The following POF1B variants were observed in gnomAD, a reference collection of about 807,000 sequenced individuals.
The protein encoded by POF1B is POF1B actin binding protein.
In POF1B, 53 loss-of-function variants were observed where a neutral mutation model predicts 55.3. That is an observed-to-expected ratio of 0.96 (90% CI 0.77 to 1.20). POF1B has a LOEUF of 1.20. Ranked by LOEUF, POF1B falls within the 50% of genes most tolerant of loss-of-function variation. The pLI, the probability that POF1B is intolerant of heterozygous loss-of-function variation, is 0.00. For synonymous variants in POF1B, 188 were observed against 148.3 expected, an observed-to-expected ratio of 1.27 and a Z score of -1.95; for missense variants, 478 against 420.5, an observed-to-expected ratio of 1.14 and a Z score of -1.20.
At chrX:85,313,159 C>T (rs989988386) in intron 9 of POF1B, among the ~76,000 whole-genome samples, 111 of 111,414 alleles carry the variant, frequency 1.0e-3, no homozygotes, top group Non-Finnish European at 1.5e-3. Context: ...TATTTGAATC[C>T]CCTTTATTTC....
At chrX:85,284,623 A>G (rs1212779190) in intron 15 of POF1B, among the ~76,000 whole-genome samples, 2 of 104,944 alleles carry the variant, frequency 1.9e-5, no homozygotes, top group Non-Finnish European at 3.9e-5. Flanking sequence ...CTGAAACTGG[A>G]TCCCTTCCTT....
rs774378718 is a variant in POF1B, at chrX:85,308,226, G to A, written c.958-10C>T. The A allele has an allele frequency of 2.0e-5, 22 of 1,100,122 alleles. No homozygotes were observed. The South Asian group carries it at 5.2e-4, about 26-fold the overall frequency. The allele number at this position is 1,100,122 out of a possible 1,213,427, so 90.7% of individuals were successfully genotyped here. A position where few individuals can be genotyped will look rare whatever the true frequency, so the allele number is the denominator to read the frequency against. On this transcript the variant is annotated splice_polypyrimidine_tract_variant and intron_variant, in intron 9 of 16. Transcript: ENST00000262753. ...CAGACATACCCCTCATCTGCAGGAA[G>A]AAAGGATTAATGGTTTAGTTTTATT...
Position 85,354,515 on chromosome X carries a change from C to G in POF1B, c.439-3064G>C, listed in dbSNP as rs144388651. Among the ~76,000 whole-genome samples, 598 of 110,757 alleles carry G rather than the reference C, an allele frequency of 5.4e-3. 9 individuals are homozygous for G. The highest frequency in any genetic ancestry group is 0.019 in the African/African-American group (576 of 30,580). ...AAGTTCACTATAAATGATGAACGGT[C>G]ATTCCCTGTTTGCAGATGACATGAT... On this transcript the variant is annotated intron_variant, in intron 4 of 16. Coordinates refer to ENST00000262753, the MANE Select transcript of POF1B (RefSeq NM_024921.4).
At chrX:85,367,393 A>G in intron 3 of POF1B, among the ~76,000 whole-genome samples, 1 of 111,770 alleles carries the variant, frequency 8.9e-6, no homozygotes, top group Admixed American at 9.5e-5. Context: ...TCTTCAATCA[A>G]TCTGAGATCT....
At chrX:85,353,196 G>A (rs1452496562) in intron 4 of POF1B, among the ~76,000 whole-genome samples, 2 of 110,798 alleles carry the variant, frequency 1.8e-5, no homozygotes, top group African/African-American at 6.5e-5. Context: ...GAAAATTGAA[G>A]AAAATGGTAT....
Position 85,367,740 on chromosome X carries a change from T to C in POF1B, c.309A>G (p.Ile103Met), listed in dbSNP as rs1159260224. Residue 103 changes from isoleucine to methionine, a missense_variant, in exon 3 of 17, where the codon ATA becomes ATG. By Grantham distance (10) the Ile-to-Met change is conservative. Transcript: ENST00000262753. ...SQELHSPTLKISTCAPSTLHI... is the reference protein window; with the variant it reads ...SQELHSPTLKMSTCAPSTLHI... ...GTAGAGTACTTGGGGCACATGTAGA[T>C]ATTTTTAAAGTTGGAGAATGGAGTT... 8.6e-7 allele frequency: 1 copy of C among 1,160,588 alleles called. No homozygotes were observed. The highest frequency in any genetic ancestry group is 1.9e-5 in the South Asian group (1 of 51,856).
At chrX:85,378,166 A>C (rs992041934) in intron 2 of POF1B, among the ~76,000 whole-genome samples, 2 of 111,641 alleles carry the variant, frequency 1.8e-5, no homozygotes, top group Non-Finnish European at 3.8e-5. Flanking sequence ...CCAGTTGAGA[A>C]ATGTTACTTT....
chrX:85,331,707 T>C lies in POF1B; in HGVS notation c.724-628A>G, dbSNP rs996660906. On this transcript the variant is annotated intron_variant, in intron 6 of 16. Transcript: ENST00000262753. ...ATTTTTTTCTACATAGTGGTAGTTT[T>C]GGATTTGTTAACCAATCTCTTCCTA... Among the ~76,000 whole-genome samples the C allele has an allele frequency of 3.6e-5, 4 of 111,246 alleles. No homozygotes were observed. The Admixed American group carries it at 3.8e-4, about 11-fold the overall frequency.
intron 4 of POF1B, among the ~76,000 whole-genome samples, chrX:85,352,722 C>T (rs985849664): frequency 1.3e-4 from 14 of 111,369 alleles, no homozygotes; most frequent in Non-Finnish European, 1.9e-4. Context: ...TCATGGAACA[C>T]ATGCTTAAGT....
chrX:85,290,196 G>A (rs1932150491), intron 15 of POF1B, among the ~76,000 whole-genome samples: 1 of 111,107 alleles, frequency 9.0e-6, no homozygotes, highest in African/African-American at 3.3e-5. Context: ...CCACATTTAA[G>A]TGAGAAAATG....
intron 3 of POF1B, among the ~76,000 whole-genome samples, chrX:85,362,273 A>G (rs1304347830): frequency 1.8e-5 from 2 of 110,974 alleles, no homozygotes; most frequent in East Asian, 2.9e-4. Flanking sequence ...AGGACTCCCA[A>G]TACTATGTTG....
intron 7 of POF1B, among the ~76,000 whole-genome samples, chrX:85,328,910 A>G (rs1932933667): frequency 9.0e-6 from 1 of 110,836 alleles, no homozygotes; most frequent in South Asian, 3.8e-4. Flanking sequence ...GATCTAGAAT[A>G]AGGGTACTTA....
At chrX:85,321,505 T>C (rs199888093) in intron 7 of POF1B, among the ~76,000 whole-genome samples, 8,036 of 108,670 alleles carry the variant, frequency 0.074, 816 homozygotes, top group African/African-American at 0.25. Flanking sequence ...GGGCAAAAAC[T>C]GGAAGCATTC....
At chrX:85,304,935 T>C (rs1932537501) in intron 13 of POF1B, among the ~76,000 whole-genome samples, 1 of 111,106 alleles carries the variant, frequency 9.0e-6, no homozygotes, top group Non-Finnish European at 1.9e-5. Flanking sequence ...TCCAGAGAGG[T>C]TAAATGACAC....
rs1184247005 is a variant in POF1B, at chrX:85,331,059, G to A, written c.744C>T (p.Gly248=). The A allele has an allele frequency of 8.3e-7, 1 of 1,204,768 alleles. No individual in the cohort carries two copies. The highest frequency in any genetic ancestry group is 1.8e-5 in the South Asian group (1 of 55,355). ...AATATCTGGGGTCCAATTTTTCAGGGCCATCATCCTGAATTATCACCTGAA... is the reference window on the plus strand; with the variant it reads ...AATATCTGGGGTCCAATTTTTCAGGACCATCATCCTGAATTATCACCTGAA... ...ICEQVIIQDD[G]PEKLDPRYFG... Residue 248 remains glycine, a synonymous_variant, in exon 7 of 17, where the codon GGC becomes GGT. Coordinates refer to ENST00000262753, the MANE Select transcript of POF1B (RefSeq NM_024921.4).
chrX:85,353,340 T>A (rs1933426202), intron 4 of POF1B, among the ~76,000 whole-genome samples: 1 of 110,310 alleles, frequency 9.1e-6, no homozygotes, highest in African/African-American at 3.3e-5. Context: ...TAAACAGGGG[T>A]ATGAGGTGAA....
chrX:85,349,906 C>T (rs1378924056), intron 5 of POF1B, among the ~76,000 whole-genome samples: 1 of 110,870 alleles, frequency 9.0e-6, no homozygotes, highest in Non-Finnish European at 1.9e-5. Context: ...AAGTCCTGGA[C>T]ATTGGGCTGG....
intron 15 of POF1B, among the ~76,000 whole-genome samples, chrX:85,283,929 C>A (rs972075119): frequency 3.6e-5 from 4 of 111,238 alleles, no homozygotes; most frequent in East Asian, 2.8e-4. Flanking sequence ...TGTAAAAAAT[C>A]TCCTTAAGCT....
At chrX:85,335,017 A>T (rs1328041337) in intron 6 of POF1B, among the ~76,000 whole-genome samples, 1 of 111,386 alleles carries the variant, frequency 9.0e-6, no homozygotes, top group Non-Finnish European at 1.9e-5. Flanking sequence ...AGGGGTAGGG[A>T]TAGTTTGTAG....
Sources: gnomAD v4.1 joint callset for allele counts (sites outside exome capture counted in the v4.1 genomes callset) on GRCh38, gnomAD v4.1.1 for gene constraint, MANE v1.5 for transcripts, NCBI Gene and HGNC (gene_info 2026-07-23, HGNC 2026-07-21) for gene names.